The following DOCK3 variants were observed in gnomAD, a reference collection of about 807,000 sequenced individuals.
The protein encoded by DOCK3 is dedicator of cytokinesis protein 3.
DOCK3 carries 60 observed loss-of-function variants against 265.6 expected under a neutral mutation model. That is an observed-to-expected ratio of 0.23 (90% CI 0.18 to 0.28). DOCK3 has a LOEUF of 0.28. DOCK3 is among the 10% of genes least tolerant of loss of function. The pLI is 1.00. For synonymous variants in DOCK3, 881 were observed against 938.0 expected (o/e 0.94, Z 1.11); for missense variants, 1,981 against 2,594.3 (o/e 0.76, Z 5.14).
At chr3:51,322,061 G>A (rs866998298) in intron 32 of DOCK3, among the ~76,000 whole-genome samples, 2 of 151,918 alleles carry the variant, frequency 1.3e-5, no homozygotes, top group African/African-American at 4.8e-5. Flanking sequence ...AGGGAAAAAT[G>A]TTAAGGGCAG....
intron 1 of DOCK3, among the ~76,000 whole-genome samples, chr3:50,746,688 A>T (rs2039467686): frequency 6.6e-6 from 1 of 152,172 alleles, no homozygotes; most frequent in Non-Finnish European, 1.5e-5. Flanking sequence ...TGAGGGCCTC[A>T]GGAAGCTTAC....
At chr3:51,200,602 A>G (rs1266790680) in intron 12 of DOCK3, among the ~76,000 whole-genome samples, 1 of 151,944 alleles carries the variant, frequency 6.6e-6, no homozygotes, top group Non-Finnish European at 1.5e-5. Context: ...CACTCTGCAG[A>G]ATATTATCCA....
At chr3:50,957,420 C>T (rs1489422280) in intron 5 of DOCK3, among the ~76,000 whole-genome samples, 1 of 152,192 alleles carries the variant, frequency 6.6e-6, no homozygotes, top group African/African-American at 2.4e-5. Context: ...TAATCTAGCA[C>T]TACCTAGTTG....
intron 1 of DOCK3, among the ~76,000 whole-genome samples, chr3:50,758,770 C>G (rs2040350963): frequency 6.6e-6 from 1 of 152,174 alleles, no homozygotes; most frequent in African/African-American, 2.4e-5. Flanking sequence ...TACTCCTTCT[C>G]TTTTGATGAG....
chr3:51,326,525 C>T (rs1052993964), intron 32 of DOCK3, among the ~76,000 whole-genome samples: 8 of 151,468 alleles, frequency 5.3e-5, no homozygotes, highest in African/African-American at 1.9e-4. Context: ...CATGATCTGC[C>T]CACCTGGGCC....
chr3:50,788,211 A>T (rs2042284865), intron 2 of DOCK3: 1 of 759,876 alleles, frequency 1.3e-6, no homozygotes, highest in Admixed American at 2.9e-5. Context: ...GACGGCTATC[A>T]TCTTGTGCCA....
intron 5 of DOCK3, among the ~76,000 whole-genome samples, chr3:51,007,466 C>T (rs146695767): frequency 6.6e-6 from 1 of 152,108 alleles, no homozygotes; most frequent in Admixed American, 6.6e-5. Context: ...CTTTTTGATG[C>T]GGTTGATTTT....
intron 5 of DOCK3, among the ~76,000 whole-genome samples, chr3:51,023,013 A>G (rs928758922): frequency 6.6e-6 from 1 of 152,138 alleles, no homozygotes; most frequent in African/African-American, 2.4e-5. Context: ...AGATAGCCTA[A>G]TGAGTATGTG....
chr3:50,786,743 T>G, intron 2 of DOCK3: 1 of 730,238 alleles, frequency 1.4e-6, no homozygotes, highest in Non-Finnish European at 2.6e-6. Context: ...ATGAAAATAC[T>G]GCTTCGTGTT....
intron 1 of DOCK3, among the ~76,000 whole-genome samples, chr3:50,744,334 C>T (rs2039280869): frequency 6.6e-6 from 1 of 152,094 alleles, no homozygotes; most frequent in South Asian, 2.1e-4. Context: ...AACTTAGAAA[C>T]CATTTCCAAA....
At chr3:51,364,878 T>C (rs2087019043) in intron 49 of DOCK3, among the ~76,000 whole-genome samples, 2 of 152,250 alleles carry the variant, frequency 1.3e-5, no homozygotes, top group South Asian at 2.1e-4. Context: ...CTGTTTTGGT[T>C]ACTGTAGCCT....
At chr3:51,119,043 T>C (rs1336443574) in intron 9 of DOCK3, among the ~76,000 whole-genome samples, 1 of 152,204 alleles carries the variant, frequency 6.6e-6, no homozygotes, top group Non-Finnish European at 1.5e-5. Flanking sequence ...TCTTGCCCAT[T>C]AGTTGATGCA....
chr3:51,363,650 C>A (rs1283239152), intron 49 of DOCK3, among the ~76,000 whole-genome samples: 1 of 152,190 alleles, frequency 6.6e-6, no homozygotes, highest in Non-Finnish European at 1.5e-5. Context: ...CCCCACCTGA[C>A]AACAGGCCCC....
At chr3:50,861,377 A>C (rs1454911662) in intron 3 of DOCK3, among the ~76,000 whole-genome samples, 1 of 152,304 alleles carries the variant, frequency 6.6e-6, no homozygotes, top group Non-Finnish European at 1.5e-5. Context: ...AGAATGTCCC[A>C]TGCGCAGATG....
intron 2 of DOCK3, 37 bp downstream of exon 2, chr3:50,778,795 A>AT: frequency 6.9e-7 from 1 of 1,440,680 alleles, no homozygotes; most frequent in Non-Finnish European, 9.5e-7. Flanking sequence ...AATTGTGATC[A>AT]TTTTTGGCAG....
intron 1 of DOCK3, among the ~76,000 whole-genome samples, chr3:50,691,908 C>A (rs2035269683): frequency 6.7e-6 from 1 of 150,374 alleles, no homozygotes; most frequent in African/African-American, 2.4e-5. Flanking sequence ...AAAAGTCAAT[C>A]TAAAAAGTTT....
chr3:51,107,209 A>G (rs1418854958), intron 9 of DOCK3, among the ~76,000 whole-genome samples: 1 of 152,180 alleles, frequency 6.6e-6, no homozygotes, highest in Admixed American at 6.5e-5. Context: ...AAACCATCCA[A>G]AGGATAGCAG....
chr3:51,367,332 C>G (rs1406187463), intron 49 of DOCK3, among the ~76,000 whole-genome samples: 1 of 150,426 alleles, frequency 6.6e-6, no homozygotes, highest in African/African-American at 2.4e-5. Flanking sequence ...TTTTTGTTTT[C>G]CATTTGCTTG....
chr3:51,235,071 C>T (rs2078297736), intron 19 of DOCK3, among the ~76,000 whole-genome samples: 1 of 152,220 alleles, frequency 6.6e-6, no homozygotes, highest in Admixed American at 6.5e-5. Context: ...CCTAACTTTG[C>T]TTTCACAGCT....
Sources: allele counts gnomAD v4.1 joint callset (sites outside exome capture counted in the v4.1 genomes callset), GRCh38; gene constraint gnomAD v4.1.1; transcripts MANE v1.5; gene names NCBI Gene and HGNC (gene_info 2026-07-23, HGNC 2026-07-21).